Variants in MTFP1 observed in about 807,000 individuals in gnomAD.
MTFP1 encodes the protein mitochondrial fission process protein 1.
Under a neutral mutation model 17.1 loss-of-function variants are expected in MTFP1, and 19 were observed. That is an observed-to-expected ratio of 1.11 (90% CI 0.77 to 1.63). MTFP1 has a LOEUF of 1.63. MTFP1 is among the 40% of genes most tolerant of loss of function. The probability of loss-of-function intolerance (pLI) is 0.00; values close to 1 mark genes in which losing one functional copy is unlikely to be tolerated. For synonymous variants in MTFP1, 89 were observed against 95.2 expected (o/e 0.93, Z 0.38); for missense variants, 221 against 226.2 (o/e 0.98, Z 0.15).
Position 30,425,921 on chromosome 22 carries a change from C to G in MTFP1, c.42C>G (p.Tyr14Ter). 1 of 1,533,704 alleles carries G rather than the reference C, an allele frequency of 6.5e-7. No individual in the cohort carries two copies. Among genetic ancestry groups the G allele is most frequent in the Non-Finnish European group, 8.8e-7 (1 of 1,140,442 alleles). ...CGCGGGGCGCAGAGCGCGATCTCTA[C>G]CGGGACACGTGGGTGCGATACCTGG... is the stretch of plus-strand genomic sequence containing the variant. The part of the protein sequence containing the change: ...PQPRGAERDL[Y>*]RDTWVRYLGY... Residue 14 changes from tyrosine to a stop codon, truncating the protein, a stop_gained, in exon 1 of 4, where the codon TAC becomes TAG. Transcript: ENST00000266263. LOFTEE classifies it high-confidence loss of function.
intron 2 of MTFP1, 73 bp downstream of exon 2, chr22:30,426,917 G>A: frequency 6.3e-7 from 1 of 1,591,648 alleles, no homozygotes; most frequent in Non-Finnish European, 8.5e-7. Flanking sequence ...AGCCTTGCAT[G>A]TGATAAAGTC....
At chr22:30,426,905 A>G (rs1934680952) in intron 2 of MTFP1, 61 bp downstream of exon 2, 9 of 1,596,202 alleles carry the variant, frequency 5.6e-6, no homozygotes, top group Middle Eastern at 1.7e-4. Context: ...GGTTCAGTCC[A>G]CAGCCTTGCA....
rs1323905317 is a variant in MTFP1, at chr22:30,425,943, CT to C, written c.65del (p.Leu22ArgfsTer22). 1 of 1,519,680 alleles carries C rather than the reference CT, an allele frequency of 6.6e-7. No individual in the cohort carries two copies. The highest frequency in any genetic ancestry group is 2.1e-5 in the Admixed American group (1 of 47,122). 94.1% of individuals were successfully genotyped at this position (1,519,680 alleles called of 1,614,324 possible). A position where few individuals can be genotyped will look rare whatever the true frequency, so the allele number is the denominator to read the frequency against. The part of the protein sequence containing the change: ...DLYRDTWVRY[L>X]GYANEVGEAF... ...CTACCGGGACACGTGGGTGCGATAC[CT>C]GGGTGAGCGCGGGGCGACGGGCGCG... On this transcript the variant is annotated frameshift_variant and splice_region_variant, in exon 1 of 4. Transcript: ENST00000266263. LOFTEE classifies it high-confidence loss of function.
At chr22:30,428,378 C>A (rs901723691) in intron 3 of MTFP1, 84 bp from the exon 4 acceptor site, 1 of 1,214,198 alleles carries the variant, frequency 8.2e-7, no homozygotes, top group South Asian at 1.3e-5. Flanking sequence ...TCTAAGCGCC[C>A]CTTTCCCTAA....
intron 3 of MTFP1, 67 bp downstream of exon 3, chr22:30,427,470 A>G: frequency 6.7e-7 from 1 of 1,488,964 alleles, no homozygotes; most frequent in Non-Finnish European, 9.3e-7. Context: ...TCCAGTCTCC[A>G]GGTAGAGCTA....
At position 30,428,659 on chromosome 22, in the gene MTFP1, C is replaced by G; in HGVS notation, c.*125C>G. The G allele has an allele frequency of 6.2e-7, 1 of 1,614,124 alleles. No individual in the cohort carries two copies. ...ACCCTGGCACCTGGGTGGGTTTGAG[C>G]TGGACAGAAGCTTAGAGACAAAGGC... On this transcript the variant is annotated 3_prime_UTR_variant, in exon 4 of 4. Coordinates refer to ENST00000266263, the MANE Select transcript of MTFP1 (RefSeq NM_016498.5).
chr22:30,427,767 G>A (rs1347289926), intron 3 of MTFP1, among the ~76,000 whole-genome samples: 2 of 152,188 alleles, frequency 1.3e-5, no homozygotes, highest in African/African-American at 4.8e-5. Context: ...AACTCAAACT[G>A]AATATTTGAA....
In MTFP1 at chr22:30,429,037, A is replaced by G. The variant is rs549218976; in HGVS notation, c.*503A>G. ...TCTGGCCAGGCCCTTCCCTGACCCAATAAATCCTGAAGAGGTTGTTATGTC... is the reference window on the plus strand; with the variant it reads ...TCTGGCCAGGCCCTTCCCTGACCCAGTAAATCCTGAAGAGGTTGTTATGTC... On this transcript the variant is annotated 3_prime_UTR_variant, in exon 4 of 4. Coordinates refer to ENST00000266263, the MANE Select transcript of MTFP1 (RefSeq NM_016498.5). 3.7e-5 allele frequency: 10 copies of G among 266,892 alleles called. No homozygotes were observed. The South Asian group carries it at 4.1e-4, about 11-fold the overall frequency. The allele number at this position is 266,892 out of a possible 1,614,324, so 16.5% of individuals were successfully genotyped here.
intron 3 of MTFP1, among the ~76,000 whole-genome samples, chr22:30,427,621 G>T (rs1900257379): frequency 6.6e-6 from 1 of 152,192 alleles, no homozygotes. Flanking sequence ...AAGAAGAGGG[G>T]TGCGTTGAGG....
At position 30,428,501 on chromosome 22, in the gene MTFP1, C is replaced by G; in HGVS notation, c.468C>G (p.Leu156=). The change falls in exon 4 of 4, where the codon CTC becomes CTG. Residue 156 remains leucine (L), a synonymous_variant. Transcript: ENST00000266263. ...TCCTGGACTCCAGCCTGCGCAAGCT[C>G]TACCCAACAGTGGGGAAGCCCAGCT... The part of the protein sequence containing the change: ...DFLLDSSLRK[L]YPTVGKPSSS 1 of 1,614,198 alleles carries G rather than the reference C, an allele frequency of 6.2e-7. No individual in the cohort carries two copies.
At chr22:30,426,653 G>T in intron 1 of MTFP1, 64 bp from the exon 2 acceptor site, 2 of 1,596,120 alleles carry the variant, frequency 1.3e-6, no homozygotes, top group Non-Finnish European at 1.7e-6. Context: ...ATGAGAACCA[G>T]CCTGCTCCAA....
rs145380632 is a variant in MTFP1, at chr22:30,426,825, A to G, written c.176A>G (p.Lys59Arg). 2 of 1,612,190 alleles carry G rather than the reference A, an allele frequency of 1.2e-6. No individual in the cohort carries two copies. The highest frequency in any genetic ancestry group is 1.3e-5 in the African/African-American group (1 of 75,054). Residue 59 changes from lysine to arginine, a missense_variant, in exon 2 of 4, where the codon AAA becomes AGA. Lys to Arg is a conservative substitution (Grantham distance 26). Transcript: ENST00000266263. ...TACGTGCTGGCGGATGCCATTGACA[A>G]AGGCAAGAAGGCTGGAGAGGTGAGT... Reference protein sequence around the residue: ...SSYVLADAIDKGKKAGEVPSP... With the variant: ...SSYVLADAIDRGKKAGEVPSP...
Sources: gnomAD v4.1 joint callset for allele counts (sites outside exome capture counted in the v4.1 genomes callset) on GRCh38, gnomAD v4.1.1 for gene constraint, MANE v1.5 for transcripts, NCBI Gene and HGNC (gene_info 2026-07-23, HGNC 2026-07-21) for gene names.